WWC1: variants seen among roughly 807,000 people sequenced by gnomAD.
WWC1 encodes the protein protein KIBRA.
A neutral mutation model predicts 138.4 loss-of-function variants in WWC1; 55 were observed. The ratio of observed to expected loss-of-function variants is 0.40; its 90% CI spans 0.32 to 0.50. The LOEUF is 0.50. WWC1 is among the 20% of genes least tolerant of loss of function. The pLI is 0.72. For synonymous variants in WWC1, 524 were observed against 564.9 expected (o/e 0.93, Z 1.03); for missense variants, 1,226 against 1,420.4 (o/e 0.86, Z 2.20).
At chr5:168,421,724 T>C (rs573987049) in intron 9 of WWC1, among the ~76,000 whole-genome samples, 2 of 152,330 alleles carry the variant, frequency 1.3e-5, no homozygotes, top group African/African-American at 2.4e-5. Flanking sequence ...TTTCCTCTTA[T>C]GTAAAGTGGT....
chr5:168,403,075 T>TCTC lies in WWC1; in HGVS notation c.591-3123_591-3122insCTC, dbSNP rs1561712525. On this transcript the variant is annotated intron_variant, in intron 5 of 22. Coordinates refer to ENST00000265293, the MANE Select transcript of WWC1 (RefSeq NM_015238.3). ...CTTTCTTTCTTTCTTTCTTTCTTTCTTTCTTTTCTTTCTTTTCTTTCTTTC... is the reference window on the plus strand; with the variant it reads ...CTTTCTTTCTTTCTTTCTTTCTTTCTCTCTTCTTTTCTTTCTTTTCTTTCTTTC... Among the ~76,000 whole-genome samples the TCTC allele has an allele frequency of 6.6e-4, 88 of 133,730 alleles. 1 individual carries two copies. The highest frequency in any genetic ancestry group is 1.1e-3 in the Non-Finnish European group (69 of 61,628). The allele number at this position is 133,730 out of a possible 152,430, so 87.7% of individuals were successfully genotyped here. A position where few individuals can be genotyped will look rare whatever the true frequency, so the allele number is the denominator to read the frequency against.
chr5:168,362,664 A>T (rs1235638516), intron 1 of WWC1, among the ~76,000 whole-genome samples: 1 of 152,232 alleles, frequency 6.6e-6, no homozygotes, highest in East Asian at 1.9e-4. Flanking sequence ...TGAAATCTTA[A>T]ACCCAACAGG....
intron 3 of WWC1, among the ~76,000 whole-genome samples, chr5:168,388,113 C>T (rs754977464): frequency 3.3e-5 from 5 of 152,140 alleles, no homozygotes; most frequent in African/African-American, 4.8e-5. Context: ...CACCACTTTA[C>T]GTAGTGGTAA....
At chr5:168,457,415 TG>T (rs1300659731) in intron 19 of WWC1, among the ~76,000 whole-genome samples, 2 of 152,186 alleles carry the variant, frequency 1.3e-5, no homozygotes, top group African/African-American at 4.8e-5. Flanking sequence ...AGAGACATGC[TG>T]GGGCTGTGCT....
At chr5:168,352,956 A>G (rs1380591655) in intron 1 of WWC1, among the ~76,000 whole-genome samples, 2 of 152,200 alleles carry the variant, frequency 1.3e-5, no homozygotes, top group Admixed American at 1.3e-4. Context: ...TGGAGTTAAT[A>G]TGGGTAACTC....
chr5:168,409,522 A>G (rs1305906206), intron 7 of WWC1, among the ~76,000 whole-genome samples: 1 of 152,178 alleles, frequency 6.6e-6, no homozygotes, highest in African/African-American at 2.4e-5. Flanking sequence ...TCCTGACTGC[A>G]GCCTCTGAGT....
chr5:168,307,524 A>G (rs1021902551), intron 1 of WWC1, among the ~76,000 whole-genome samples: 1 of 151,606 alleles, frequency 6.6e-6, no homozygotes, highest in Non-Finnish European at 1.5e-5. Context: ...TGGTTTTTCA[A>G]AATCCCTCCA....
rs778561401 is a variant in WWC1, at chr5:168,455,407, C to T, written c.2710C>T (p.Arg904Ter). 1.9e-6 allele frequency: 3 copies of T among 1,609,242 alleles called. No homozygotes were observed. Among genetic ancestry groups the T allele is most frequent in the South Asian group, 1.1e-5 (1 of 90,036 alleles). Residue 904 changes from arginine (R) to a stop codon, truncating the protein, a stop_gained, in exon 19 of 23, where the codon CGA becomes TGA. Coordinates refer to ENST00000265293, the MANE Select transcript of WWC1 (RefSeq NM_015238.3). LOFTEE classifies it high-confidence loss of function. ...CCCGGCCCCATCCCCCACAGTGGTGCGACCTAAGGACCGGAGAGTGGGCAC... is the reference window on the plus strand; with the variant it reads ...CCCGGCCCCATCCCCCACAGTGGTGTGACCTAAGGACCGGAGAGTGGGCAC... The part of the protein sequence containing the change: ...ETPAPSPTVV[R>*]PKDRRVGTPS...
intron 17 of WWC1, among the ~76,000 whole-genome samples, chr5:168,451,975 G>A (rs1755869094): frequency 7.4e-6 from 1 of 135,726 alleles, no homozygotes; most frequent in South Asian, 2.3e-4. Flanking sequence ...GCACTCTCTC[G>A]ACTCACTGCA....
At chr5:168,389,600 T>G (rs113795486) in intron 3 of WWC1, among the ~76,000 whole-genome samples, 64 of 19,734 alleles carry the variant, frequency 3.2e-3, no homozygotes, top group South Asian at 5.2e-3. Flanking sequence ...AATTTTTGTT[T>G]TTTTTTTTTT....
intron 3 of WWC1, among the ~76,000 whole-genome samples, chr5:168,396,940 C>T (rs1778947224): frequency 6.7e-6 from 1 of 150,180 alleles, no homozygotes; most frequent in Non-Finnish European, 1.5e-5. Flanking sequence ...TTATAAAGTA[C>T]AATCAACAAT....
chr5:168,336,716 G>A (rs553232865), intron 1 of WWC1, among the ~76,000 whole-genome samples: 7 of 152,002 alleles, frequency 4.6e-5, no homozygotes, highest in Non-Finnish European at 8.8e-5. Context: ...GACGAAATTC[G>A]TCATTTTACT....
chr5:168,362,464 G>T (rs970740883), intron 1 of WWC1, among the ~76,000 whole-genome samples: 1 of 152,188 alleles, frequency 6.6e-6, no homozygotes, highest in African/African-American at 2.4e-5. Context: ...TAACCAAGAG[G>T]CAGGAGTGAC....
At chr5:168,465,017 G>A in intron 21 of WWC1, 55 bp downstream of exon 21, 1 of 1,586,862 alleles carries the variant, frequency 6.3e-7, no homozygotes, top group Admixed American at 1.8e-5. Flanking sequence ...GAGAGTCGGG[G>A]GGCACTGCCC....
At chr5:168,395,339 G>A (rs1375543760) in intron 3 of WWC1, among the ~76,000 whole-genome samples, 3 of 152,272 alleles carry the variant, frequency 2.0e-5, no homozygotes, top group Non-Finnish European at 1.5e-5. Context: ...ACGTTTCTGT[G>A]TGTCTTCCCA....
rs144891291 is a variant in WWC1 at position 168,385,347 on chromosome 5, G to T, written c.366G>T (p.Glu122Asp). Residue 122 changes from glutamate (E) to aspartate (D), a missense_variant, in exon 3 of 23, where the codon GAG becomes GAT. Physicochemically the swap from Glu to Asp is conservative, Grantham distance 45 (BLOSUM62 2). This residue lies in a region of WWC1 where 1,016 missense variants were observed against 1,153.9 expected (regional missense o/e 0.88). Transcript: ENST00000265293. ...EIYQVKQQRL[E>D]LAQQEYQQLH... ...ACCAGGTGAAGCAGCAGCGCCTGGA[G>T]CTTGCACAGCAGGAGTACCAGCAAC... 7.9e-5 allele frequency: 128 copies of T among 1,613,978 alleles called. No homozygotes were observed. Among genetic ancestry groups the T allele is most frequent in the Non-Finnish European group, 1.0e-4 (121 of 1,180,026 alleles).
At chr5:168,421,705 G>A (rs1161579094) in intron 9 of WWC1, among the ~76,000 whole-genome samples, 1 of 152,226 alleles carries the variant, frequency 6.6e-6, no homozygotes, top group African/African-American at 2.4e-5. Flanking sequence ...ACAACTCTAA[G>A]GGCCTCGATT....
intron 10 of WWC1, among the ~76,000 whole-genome samples, 164 bp downstream of exon 10, chr5:168,422,261 T>G (rs1373084319): frequency 6.6e-6 from 1 of 152,156 alleles, no homozygotes; most frequent in Non-Finnish European, 1.5e-5. Flanking sequence ...CGTGGCCTGG[T>G]GTAGCTAGGA....
intron 1 of WWC1, among the ~76,000 whole-genome samples, chr5:168,301,994 A>G (rs547834972): frequency 6.6e-6 from 1 of 152,252 alleles, no homozygotes; most frequent in South Asian, 2.1e-4. Flanking sequence ...CAGTCTTATC[A>G]GGGGCAAGCC....
Sources: gnomAD v4.1 joint callset for allele counts (sites outside exome capture counted in the v4.1 genomes callset) on GRCh38, gnomAD v4.1.1 for gene constraint, gnomAD v4.1.1 regional missense constraint, MANE v1.5 for transcripts, NCBI Gene and HGNC (gene_info 2026-07-23, HGNC 2026-07-21) for gene names.